DCC: variants seen among roughly 807,000 people sequenced by gnomAD.
The protein encoded by DCC is netrin receptor DCC.
A neutral mutation model predicts 172.5 loss-of-function variants in DCC; 58 were observed. The observed-to-expected ratio is 0.34, with a 90% CI of 0.27 to 0.42. The LOEUF is 0.42. DCC is among the 10% of genes least tolerant of loss of function. DCC has a pLI of 1.00. For missense variants in DCC, 1,740 were observed against 1,791.0 expected, an observed-to-expected ratio of 0.97 and a Z score of 0.51; for synonymous variants, 709 against 644.5, an observed-to-expected ratio of 1.10 and a Z score of -1.52.
chr18:52,674,533 T>C (rs2035615121), intron 1 of DCC, among the ~76,000 whole-genome samples: 1 of 152,128 alleles, frequency 6.6e-6, no homozygotes, highest in South Asian at 2.1e-4. Context: ...AATGCTCAAC[T>C]AGATATCTGA....
At chr18:53,244,216 T>C (rs1269915346) in intron 12 of DCC, among the ~76,000 whole-genome samples, 1 of 152,160 alleles carries the variant, frequency 6.6e-6, no homozygotes, top group Non-Finnish European at 1.5e-5. Flanking sequence ...TTTATAAATC[T>C]GAAAAATATT....
intron 1 of DCC, among the ~76,000 whole-genome samples, chr18:52,346,139 C>T (rs1983868795): frequency 6.6e-6 from 1 of 152,158 alleles, no homozygotes; most frequent in Admixed American, 6.6e-5. Context: ...CAGTGTTAAA[C>T]TTGTCAAGAA....
chr18:52,909,892 A>G (rs1296631854), intron 3 of DCC, among the ~76,000 whole-genome samples: 1 of 152,182 alleles, frequency 6.6e-6, no homozygotes, highest in African/African-American at 2.4e-5. Flanking sequence ...TCATAAGAGC[A>G]ATACCAACAA....
At chr18:52,957,455 A>G (rs981306273) in intron 5 of DCC, among the ~76,000 whole-genome samples, 2 of 151,888 alleles carry the variant, frequency 1.3e-5, no homozygotes, top group Non-Finnish European at 2.9e-5. Flanking sequence ...AAGGAACTAA[A>G]GAGATGCAAG....
chr18:53,157,332 T>A, intron 7 of DCC, 24 bp from the exon 8 acceptor site: 9 of 1,613,880 alleles, frequency 5.6e-6, no homozygotes, highest in Non-Finnish European at 7.6e-6. Context: ...ACACCTCTGA[T>A]AGCCTCCTCT....
chr18:52,833,177 A>G (rs1195612570), intron 2 of DCC, among the ~76,000 whole-genome samples: 1 of 152,056 alleles, frequency 6.6e-6, no homozygotes, highest in Non-Finnish European at 1.5e-5. Context: ...CACGTTAATT[A>G]CCTCCACTTA....
At chr18:53,214,482 T>C (rs2055814177) in intron 11 of DCC, among the ~76,000 whole-genome samples, 1 of 152,142 alleles carries the variant, frequency 6.6e-6, no homozygotes, top group South Asian at 2.1e-4. Flanking sequence ...AATAAATTCA[T>C]GGTCAGATGT....
In DCC at chr18:52,577,113, A is replaced by G. The variant is rs1274173984; in HGVS notation, c.92-174941A>G. On this transcript the variant is annotated intron_variant, in intron 1 of 28. Coordinates refer to ENST00000442544, the MANE Select transcript of DCC (RefSeq NM_005215.4). ...GATGCACTTAGGCAGGATCAACTTC[A>G]GTTATACTTAGGAGACACATTGCAG... 6.6e-5 allele frequency among the ~76,000 whole-genome samples: 10 copies of G among 152,354 alleles called. No homozygotes were observed. The East Asian group carries it at 1.4e-3, about 21-fold the overall frequency.
intron 9 of DCC, among the ~76,000 whole-genome samples, chr18:53,195,777 C>T (rs993224741): frequency 2.0e-5 from 3 of 152,128 alleles, no homozygotes; most frequent in Admixed American, 6.5e-5. Context: ...CTAAGCCCTC[C>T]GTTATCATCC....
chr18:53,142,638 T>C (rs906908332), intron 7 of DCC, among the ~76,000 whole-genome samples: 1 of 152,192 alleles, frequency 6.6e-6, no homozygotes, highest in African/African-American at 2.4e-5. Context: ...TACATTTACA[T>C]GAAAATTGTA....
chr18:52,912,823 C>T (rs552431561), intron 3 of DCC, among the ~76,000 whole-genome samples: 1 of 152,108 alleles, frequency 6.6e-6, no homozygotes, highest in African/African-American at 2.4e-5. Flanking sequence ...TCCATACTCA[C>T]CCTCAACTCT....
At chr18:52,848,757 A>G (rs902957967) in intron 2 of DCC, among the ~76,000 whole-genome samples, 2 of 152,140 alleles carry the variant, frequency 1.3e-5, no homozygotes, top group African/African-American at 4.8e-5. Context: ...TCTTTCTCTA[A>G]TGGTTTAAGA....
At chr18:52,721,120 G>A (rs1415100653) in intron 1 of DCC, among the ~76,000 whole-genome samples, 1 of 152,160 alleles carries the variant, frequency 6.6e-6, no homozygotes, top group East Asian at 1.9e-4. Flanking sequence ...CTGGGGCAGA[G>A]AAGGCCTTAG....
At chr18:52,927,076 T>TGTGTATATACACGTATATAC (rs1376490326) in intron 5 of DCC, among the ~76,000 whole-genome samples, 2 of 66,566 alleles carry the variant, frequency 3.0e-5, no homozygotes, top group African/African-American at 1.1e-4. Flanking sequence ...CACACATATA[T>TGTGTATATACACGTATATAC]GTGTATATAC....
chr18:52,615,581 A>C (rs533978625), intron 1 of DCC, among the ~76,000 whole-genome samples: 12 of 152,274 alleles, frequency 7.9e-5, no homozygotes, highest in African/African-American at 2.9e-4. Flanking sequence ...GTCACATTCC[A>C]TTCCATTTGT....
chr18:53,043,428 C>T (rs750687416), intron 5 of DCC, among the ~76,000 whole-genome samples: 2 of 151,826 alleles, frequency 1.3e-5, no homozygotes, highest in Admixed American at 6.6e-5. Context: ...AAACCACATT[C>T]TGCACATATA....
At chr18:53,401,816 G>A (rs1909314063) in intron 18 of DCC, among the ~76,000 whole-genome samples, 1 of 152,182 alleles carries the variant, frequency 6.6e-6, no homozygotes, top group African/African-American at 2.4e-5. Context: ...GAAAGTGAGA[G>A]AGCAGATTGG....
intron 2 of DCC, among the ~76,000 whole-genome samples, chr18:52,798,757 CT>C (rs201788408): frequency 0.077 from 6,410 of 83,094 alleles, 213 homozygotes; most frequent in South Asian, 0.28. Flanking sequence ...AGTTTTGTAT[CT>C]TTTTTTTTTT....
chr18:53,044,398 G>A (rs1355461130), intron 5 of DCC, among the ~76,000 whole-genome samples: 1 of 151,658 alleles, frequency 6.6e-6, no homozygotes, highest in Non-Finnish European at 1.5e-5. Context: ...AAATGCCACT[G>A]ATTGAAATTC....
Sources: gnomAD v4.1 joint callset for allele counts (sites outside exome capture counted in the v4.1 genomes callset) on GRCh38, gnomAD v4.1.1 for gene constraint, MANE v1.5 for transcripts, NCBI Gene and HGNC (gene_info 2026-07-23, HGNC 2026-07-21) for gene names.